CAMK1D: variants seen among roughly 807,000 people sequenced by gnomAD.
CAMK1D encodes the protein calcium/calmodulin-dependent protein kinase type 1D.
CAMK1D carries 9 observed loss-of-function variants against 47.7 expected under a neutral mutation model. The ratio of observed to expected loss-of-function variants is 0.19; its 90% CI spans 0.11 to 0.33. CAMK1D has a LOEUF of 0.33. Ranked by LOEUF, CAMK1D falls within the 10% of genes least tolerant of loss-of-function variation. The pLI is 1.00. For missense variants in CAMK1D, 291 were observed against 488.7 expected (o/e 0.60, Z 3.81); for synonymous variants, 184 against 184.9 (o/e 0.99, Z 0.04).
chr10:12,561,484 TC>T (rs1836941675), intron 2 of CAMK1D, among the ~76,000 whole-genome samples: 1 of 151,848 alleles, frequency 6.6e-6, no homozygotes, highest in South Asian at 2.1e-4. Context: ...CAGTTCAGAG[TC>T]CCGCCTTATT....
At chr10:12,505,834 C>A (rs7921367) in intron 1 of CAMK1D, among the ~76,000 whole-genome samples, 36,228 of 151,836 alleles carry the variant, frequency 0.24, 4,869 homozygotes, top group South Asian at 0.34. Context: ...TTTAATAAAC[C>A]AATGATTTTC....
At chr10:12,732,363 G>A (rs1834925124) in intron 3 of CAMK1D, among the ~76,000 whole-genome samples, 1 of 152,162 alleles carries the variant, frequency 6.6e-6, no homozygotes, top group Non-Finnish European at 1.5e-5. Context: ...AGTGAGTGAG[G>A]AGCTGAAATC....
chr10:12,743,355 A>AAAAAAAAAAAAAGAAAAG (rs1461631779), intron 3 of CAMK1D, among the ~76,000 whole-genome samples: 1 of 118,156 alleles, frequency 8.5e-6, no homozygotes, highest in African/African-American at 2.8e-5. Flanking sequence ...TCAAAAAAAA[A>AAAAAAAAAAAAAGAAAAG]AAAAGAAAAA....
chr10:12,463,713 A>G (rs985324907), intron 1 of CAMK1D, among the ~76,000 whole-genome samples: 1 of 151,708 alleles, frequency 6.6e-6, no homozygotes, highest in African/African-American at 2.4e-5. Flanking sequence ...GCCCCCTGAT[A>G]TGGTTAGGCT....
At chr10:12,761,415 C>G (rs1256262535) in intron 4 of CAMK1D, among the ~76,000 whole-genome samples, 2 of 152,128 alleles carry the variant, frequency 1.3e-5, no homozygotes, top group African/African-American at 4.8e-5. Context: ...GCTACAGAAA[C>G]CCTCCTCCCG....
At chr10:12,624,480 G>C (rs567786472) in intron 2 of CAMK1D, among the ~76,000 whole-genome samples, 9 of 152,146 alleles carry the variant, frequency 5.9e-5, no homozygotes, top group African/African-American at 2.2e-4. Flanking sequence ...GATACCCTGC[G>C]TAAGTGGAGT....
At position 12,634,876 on chromosome 10, in the gene CAMK1D, G is replaced by T. The variant is rs180672456; in HGVS notation, c.225-31860G>T. Among the ~76,000 whole-genome samples, 21 of 152,250 alleles carry T rather than the reference G, an allele frequency of 1.4e-4. No individual in the cohort carries two copies. The East Asian group carries it at 1.9e-3, about 14-fold the overall frequency. ...AGGTCATGATGGTGGCCGGGATTCT[G>T]CCCATGTTCAGTGGGACTTGGGTGG... On this transcript the variant is annotated intron_variant, in intron 2 of 10. Transcript: ENST00000619168.
Position 12,698,673 on chromosome 10 carries a change from ATTT to A in CAMK1D, c.299+31879_299+31881del, listed in dbSNP as rs573723767. Among the ~76,000 whole-genome samples the A allele has an allele frequency of 9.5e-3, 991 of 103,934 alleles. 17 individuals carry two copies. The highest frequency in any genetic ancestry group is 0.033 in the African/African-American group (940 of 28,282). 68.2% of individuals were successfully genotyped at this position (103,934 alleles called of 152,430 possible). On this transcript the variant is annotated intron_variant, in intron 3 of 10. Transcript: ENST00000619168. ...GAAGAAAAATGATGCCCTTTAAAGA[ATTT>A]TTTTTTTTTTTTTTTGAGACGGAGT...
intron 2 of CAMK1D, among the ~76,000 whole-genome samples, chr10:12,571,811 G>A (rs568389607): frequency 2.0e-4 from 31 of 152,214 alleles, no homozygotes; most frequent in African/African-American, 7.0e-4. Context: ...TACATTGTAG[G>A]CATTTGGTAT....
intron 1 of CAMK1D, among the ~76,000 whole-genome samples, chr10:12,373,421 C>T (rs1342955850): frequency 4.6e-5 from 7 of 152,036 alleles, no homozygotes; most frequent in African/African-American, 1.7e-4. Flanking sequence ...CACCTGAGGT[C>T]GGGAGTTTGA....
At chr10:12,557,317 AG>A (rs1455168780) in intron 2 of CAMK1D, among the ~76,000 whole-genome samples, 1 of 152,116 alleles carries the variant, frequency 6.6e-6, no homozygotes, top group Non-Finnish European at 1.5e-5. Flanking sequence ...TGGGAGGCTG[AG>A]GCAGGTGGAT....
intron 1 of CAMK1D, among the ~76,000 whole-genome samples, chr10:12,404,338 C>T (rs1383298182): frequency 1.3e-5 from 2 of 152,244 alleles, no homozygotes; most frequent in Non-Finnish European, 2.9e-5. Context: ...AGCCCCTGCG[C>T]CCGGCCTTAT....
At chr10:12,556,610 G>C (rs1348871520) in intron 2 of CAMK1D, among the ~76,000 whole-genome samples, 1 of 152,150 alleles carries the variant, frequency 6.6e-6, no homozygotes, top group Non-Finnish European at 1.5e-5. Flanking sequence ...GAGACAGAAA[G>C]GCTGGTGTGC....
intron 5 of CAMK1D, among the ~76,000 whole-genome samples, chr10:12,771,719 T>A (rs939908375): frequency 5.3e-5 from 8 of 152,076 alleles, no homozygotes; most frequent in African/African-American, 1.9e-4. Flanking sequence ...GAAGAAGAGG[T>A]TGCTCTGCTC....
Position 12,589,272 on chromosome 10 carries a change from C to T in CAMK1D, c.224+35916C>T, listed in dbSNP as rs1240496092. Reference sequence around the variant, plus strand: ...CAAACAATCTTCCCACCTTGGCCTCCCAAAGTGCTGGGATTACAGGCGTGA... The same window carrying T: ...CAAACAATCTTCCCACCTTGGCCTCTCAAAGTGCTGGGATTACAGGCGTGA... On this transcript the variant is annotated intron_variant, in intron 2 of 10. Transcript: ENST00000619168. Among the ~76,000 whole-genome samples the T allele has an allele frequency of 2.0e-5, 3 of 152,174 alleles. No homozygotes were observed. In the East Asian group the frequency reaches 5.8e-4, roughly 29 times the overall value.
intron 1 of CAMK1D, among the ~76,000 whole-genome samples, chr10:12,429,449 C>T (rs559210559): frequency 6.6e-6 from 1 of 152,154 alleles, no homozygotes; most frequent in Non-Finnish European, 1.5e-5. Context: ...AAGCAATTCT[C>T]CTGCCTCAGC....
chr10:12,616,853 G>A (rs996211822), intron 2 of CAMK1D, among the ~76,000 whole-genome samples: 5 of 152,166 alleles, frequency 3.3e-5, no homozygotes, highest in African/African-American at 1.2e-4. Flanking sequence ...GAGTAGAGGA[G>A]GCAGGGCGGG....
chr10:12,813,798 T>C (rs1335817246), intron 6 of CAMK1D, among the ~76,000 whole-genome samples: 1 of 152,072 alleles, frequency 6.6e-6, no homozygotes. Flanking sequence ...TCTCGCTCTG[T>C]CACCCAGGCT....
intron 1 of CAMK1D, among the ~76,000 whole-genome samples, chr10:12,445,245 C>A (rs1035369977): frequency 9.8e-5 from 15 of 152,336 alleles, no homozygotes; most frequent in African/African-American, 3.6e-4. Flanking sequence ...CTGCACTAGT[C>A]TTTCAGGTTA....
Sources: gnomAD v4.1 joint callset for allele counts (sites outside exome capture counted in the v4.1 genomes callset) on GRCh38, gnomAD v4.1.1 for gene constraint, MANE v1.5 for transcripts, NCBI Gene and HGNC (gene_info 2026-07-23, HGNC 2026-07-21) for gene names.